SLC25A21: variants seen among roughly 807,000 people sequenced by gnomAD.
SLC25A21 encodes solute carrier family 25 member 21.
In SLC25A21, 47 loss-of-function variants were observed where a neutral mutation model predicts 43.8. That is an observed-to-expected ratio of 1.07 (90% CI 0.85 to 1.37). The LOEUF is 1.37. SLC25A21 is among the 40% of genes most tolerant of loss of function. The pLI is 0.00. For missense variants in SLC25A21, 352 were observed against 350.2 expected (o/e 1.00, Z -0.04); for synonymous variants, 131 against 121.3 (o/e 1.08, Z -0.52).
intron 2 of SLC25A21, among the ~76,000 whole-genome samples, chr14:36,815,016 G>A (rs553303798): frequency 6.6e-6 from 1 of 152,158 alleles, no homozygotes; most frequent in African/African-American, 2.4e-5. Context: ...CACGTCCTTT[G>A]CAGGGACACG....
intron 3 of SLC25A21, among the ~76,000 whole-genome samples, chr14:36,781,731 T>G (rs1218047622): frequency 6.6e-6 from 1 of 152,332 alleles, no homozygotes; most frequent in East Asian, 1.9e-4. Context: ...CTTTTATCAC[T>G]TTTGTCTTTT....
intron 1 of SLC25A21, among the ~76,000 whole-genome samples, chr14:37,017,719 T>C (rs530453976): frequency 1.3e-5 from 2 of 152,074 alleles, no homozygotes; most frequent in Non-Finnish European, 1.5e-5. Context: ...AAATCACTTA[T>C]TATTATTATT....
rs559605003 is a variant in SLC25A21, at chr14:37,067,516, G to A, written c.70+104765C>T. Among the ~76,000 whole-genome samples, 17 of 151,918 alleles carry A rather than the reference G, an allele frequency of 1.1e-4. No individual in the cohort carries two copies. The East Asian group carries it at 2.1e-3, about 19-fold the overall frequency. ...ATAAAGAGATTTTTTTTCTATCATCGGACCCTGACAAAATGGATTCCAAAA... is the reference window on the plus strand; with the variant it reads ...ATAAAGAGATTTTTTTTCTATCATCAGACCCTGACAAAATGGATTCCAAAA... On this transcript the variant is annotated intron_variant, in intron 1 of 9. Coordinates refer to ENST00000331299, the MANE Select transcript of SLC25A21 (RefSeq NM_030631.4).
At chr14:36,686,153 C>A (rs1166310900) in intron 7 of SLC25A21, among the ~76,000 whole-genome samples, 9 of 152,100 alleles carry the variant, frequency 5.9e-5, no homozygotes, top group Non-Finnish European at 1.2e-4. Context: ...TCAACTGAAC[C>A]AAGAGCCAGT....
intron 3 of SLC25A21, among the ~76,000 whole-genome samples, chr14:36,757,634 A>C (rs575438093): frequency 2.2e-3 from 342 of 152,260 alleles, no homozygotes; most frequent in Middle Eastern, 0.01. Flanking sequence ...CTTGTATTTC[A>C]TTGTATGAAG....
At chr14:36,717,890 A>T (rs1594519214) in intron 6 of SLC25A21, among the ~76,000 whole-genome samples, 1 of 152,180 alleles carries the variant, frequency 6.6e-6, no homozygotes, top group African/African-American at 2.4e-5. Context: ...ATATCAACTG[A>T]GTGTGAGCGT....
At chr14:37,156,158 CAA>C (rs61052100) in intron 1 of SLC25A21, among the ~76,000 whole-genome samples, 16,590 of 103,474 alleles carry the variant, frequency 0.16, 1,199 homozygotes, top group African/African-American at 0.28. Flanking sequence ...GACTCCATCT[CAA>C]AAAAAAAAAA....
intron 1 of SLC25A21, among the ~76,000 whole-genome samples, chr14:36,996,325 C>T (rs1960371152): frequency 6.6e-6 from 1 of 152,140 alleles, no homozygotes; most frequent in Non-Finnish European, 1.5e-5. Context: ...TAGGTCCTCA[C>T]CTGGTCGGCA....
At chr14:36,976,094 G>C (rs190692743) in intron 1 of SLC25A21, among the ~76,000 whole-genome samples, 1 of 152,288 alleles carries the variant, frequency 6.6e-6, no homozygotes, top group African/African-American at 2.4e-5. Flanking sequence ...GTTCCCATGT[G>C]TTGACCTGCC....
At chr14:37,018,041 T>C (rs1325194171) in intron 1 of SLC25A21, among the ~76,000 whole-genome samples, 2 of 151,944 alleles carry the variant, frequency 1.3e-5, no homozygotes, top group Non-Finnish European at 2.9e-5. Flanking sequence ...TATATGGAAA[T>C]TGATTAAATT....
chr14:36,985,750 TA>T (rs1463851537), intron 1 of SLC25A21, among the ~76,000 whole-genome samples: 1 of 152,200 alleles, frequency 6.6e-6, no homozygotes, highest in East Asian at 1.9e-4. Context: ...CTTCTACATT[TA>T]AAAGTCAGCA....
chr14:36,883,665 T>C (rs1205844716), intron 1 of SLC25A21, among the ~76,000 whole-genome samples: 1 of 152,146 alleles, frequency 6.6e-6, no homozygotes, highest in Non-Finnish European at 1.5e-5. Context: ...AAAAAGAAAC[T>C]GAATTATATA....
chr14:36,891,107 T>C (rs1891060986), intron 1 of SLC25A21, among the ~76,000 whole-genome samples: 1 of 152,150 alleles, frequency 6.6e-6, no homozygotes, highest in African/African-American at 2.4e-5. Context: ...AAAACCTATT[T>C]TAAAGGACCT....
intron 1 of SLC25A21, among the ~76,000 whole-genome samples, chr14:37,086,724 T>C (rs1490941858): frequency 1.3e-5 from 2 of 152,174 alleles, no homozygotes; most frequent in Admixed American, 1.3e-4. Flanking sequence ...ATGGTGATAA[T>C]TGAATGAGTT....
intron 1 of SLC25A21, among the ~76,000 whole-genome samples, chr14:37,169,580 A>AACACACACACACACACACAC (rs1321339179): frequency 4.8e-5 from 7 of 145,294 alleles, no homozygotes; most frequent in Admixed American, 6.8e-5. Flanking sequence ...AAAAGGTCAT[A>AACACACACACACACACACAC]ACACACACAC....
chr14:37,147,273 A>T (rs1963681808), intron 1 of SLC25A21, among the ~76,000 whole-genome samples: 3 of 152,250 alleles, frequency 2.0e-5, no homozygotes, highest in African/African-American at 7.2e-5. Context: ...TTCTTTTAAC[A>T]GACACAATTG....
At chr14:36,887,037 G>C (rs1024918173) in intron 1 of SLC25A21, among the ~76,000 whole-genome samples, 1 of 151,990 alleles carries the variant, frequency 6.6e-6, no homozygotes, top group Non-Finnish European at 1.5e-5. Context: ...ATTCTTTTGA[G>C]TATATAAAAT....
Position 36,680,502 on chromosome 14 carries a change from G to A in SLC25A21, c.*156C>T. Reference sequence around the variant, plus strand: ...ACAGCCAAAACTATAATCTCAAGTTGCCTATAGACATTTTTTAAAGTATTA... The same window carrying A: ...ACAGCCAAAACTATAATCTCAAGTTACCTATAGACATTTTTTAAAGTATTA... On this transcript the variant is annotated 3_prime_UTR_variant, in exon 10 of 10. Transcript: ENST00000331299. 1 of 1,269,090 alleles carries A rather than the reference G, an allele frequency of 7.9e-7. No individual in the cohort carries two copies. The highest frequency in any genetic ancestry group is 9.9e-7 in the Non-Finnish European group (1 of 1,005,376). The allele number at this position is 1,269,090 out of a possible 1,614,324, so 78.6% of individuals were successfully genotyped here.
At chr14:36,971,559 T>TC (rs1402918562) in intron 1 of SLC25A21, among the ~76,000 whole-genome samples, 1 of 151,902 alleles carries the variant, frequency 6.6e-6, no homozygotes, top group Non-Finnish European at 1.5e-5. Flanking sequence ...AGACACCACC[T>TC]CCTCAAGCCT....
Sources: allele counts gnomAD v4.1 joint callset (sites outside exome capture counted in the v4.1 genomes callset), GRCh38; gene constraint gnomAD v4.1.1; transcripts MANE v1.5; gene names NCBI Gene and HGNC (gene_info 2026-07-23, HGNC 2026-07-21).